The following REXO5 variants were observed in gnomAD, a reference collection of about 807,000 sequenced individuals.
REXO5 encodes exonuclease NEF-sp.
REXO5 carries 48 observed loss-of-function variants against 88.5 expected under a neutral mutation model. That is an observed-to-expected ratio of 0.54 (90% confidence interval 0.43 to 0.69). The LOEUF (loss-of-function observed/expected upper bound fraction) is 0.69. Among genes scored for constraint, REXO5 ranks in the 30% least tolerant of loss-of-function variants. The probability of loss-of-function intolerance (pLI) is 0.00; values close to 1 mark genes in which losing one functional copy is unlikely to be tolerated. For synonymous variants in REXO5, 311 were observed against 336.5 expected (o/e 0.92, Z 0.83); for missense variants, 749 against 912.2 (o/e 0.82, Z 2.30).
At chr16:20,815,090 G>A (rs1375366294) in intron 4 of REXO5, 37 bp downstream of exon 4, 1 of 1,589,382 alleles carries the variant, frequency 6.3e-7, no homozygotes, top group Non-Finnish European at 8.5e-7. Context: ...GGCTGAGTCT[G>A]TTTTCCCATT....
rs752050258 is a variant in REXO5 at position 20,846,193 on chromosome 16, G to A, written c.2125-28G>A. 24 of 1,557,564 alleles carry A rather than the reference G, an allele frequency of 1.5e-5. No individual in the cohort carries two copies. In the Admixed American group the frequency reaches 1.8e-4, roughly 12 times the overall value. The stretch of plus-strand genomic sequence containing the variant: ...AAGGTAACGAGAGAGTGTTCTGGCT[G>A]AGTATCGACACATGGCTTTGATCCC... On this transcript the variant is annotated intron_variant, in intron 18 of 19. Transcript: ENST00000261377.
chr16:20,821,419 T>A (rs969325713), intron 5 of REXO5, among the ~76,000 whole-genome samples: 2 of 152,192 alleles, frequency 1.3e-5, no homozygotes, highest in African/African-American at 4.8e-5. Flanking sequence ...CCCAAGTAGC[T>A]GGGACTACAG....
chr16:20,846,105 T>C (rs1331848486), intron 18 of REXO5, 116 bp from the exon 19 acceptor site: 3 of 820,544 alleles, frequency 3.7e-6, no homozygotes, highest in Admixed American at 3.8e-5. Context: ...AAGGGATTTG[T>C]CTGGAACCTT....
intron 7 of REXO5, 191 bp from the exon 8 acceptor site, chr16:20,825,642 T>G (rs2081249465): frequency 1.8e-6 from 1 of 569,232 alleles, no homozygotes; most frequent in Non-Finnish European, 3.1e-6. Context: ...GTGTTGATCC[T>G]CTTAAGTGTA....
intron 18 of REXO5, among the ~76,000 whole-genome samples, chr16:20,845,932 A>G (rs2081599455): frequency 6.6e-6 from 1 of 152,172 alleles, no homozygotes; most frequent in Non-Finnish European, 1.5e-5. Flanking sequence ...AAGCCAGACT[A>G]GACCCCTCAT....
chr16:20,820,395 G>A (rs576409655), intron 5 of REXO5, among the ~76,000 whole-genome samples: 4 of 150,684 alleles, frequency 2.7e-5, no homozygotes, highest in African/African-American at 9.8e-5. Context: ...GATGTATGTG[G>A]GTAGAAAGCC....
chr16:20,839,101 A>C (rs2032315422), intron 13 of REXO5, among the ~76,000 whole-genome samples: 1 of 152,166 alleles, frequency 6.6e-6, no homozygotes, highest in Non-Finnish European at 1.5e-5. Context: ...TTCCAGAATG[A>C]TGGTGTGGTG....
intron 5 of REXO5, among the ~76,000 whole-genome samples, chr16:20,818,021 T>A (rs1427810721): frequency 6.6e-6 from 1 of 152,210 alleles, no homozygotes; most frequent in Non-Finnish European, 1.5e-5. Flanking sequence ...AGTGTTGAAT[T>A]TTACAGTTTT....
At chr16:20,814,207 T>A (rs2081047152) in intron 3 of REXO5, among the ~76,000 whole-genome samples, 1 of 151,484 alleles carries the variant, frequency 6.6e-6, no homozygotes, top group African/African-American at 2.4e-5. Flanking sequence ...AGTTCAATAG[T>A]CTTATTTACA....
In REXO5 at chr16:20,845,094, T is replaced by TC; in HGVS notation, c.1978dup (p.Leu660ProfsTer29). ...GCAGTGCCCAGCAGGCCCTCAACAT[T>TC]CTCACAGGCAAGGACTGGAAGCTGA... On this transcript the variant is annotated frameshift_variant, in exon 18 of 20. Coordinates refer to ENST00000261377, the MANE Select transcript of REXO5 (RefSeq NM_030941.3). LOFTEE classifies it high-confidence loss of function. The TC allele has an allele frequency of 1.9e-6, 3 of 1,614,110 alleles. No individual in the cohort carries two copies. Among genetic ancestry groups the TC allele is most frequent in the Non-Finnish European group, 2.5e-6 (3 of 1,180,014 alleles).
intron 4 of REXO5, 92 bp from the exon 5 acceptor site, chr16:20,816,024 C>A: frequency 1.0e-6 from 1 of 963,546 alleles, no homozygotes; most frequent in Non-Finnish European, 1.6e-6. Context: ...CTAGAACTTT[C>A]AAAGCACTGA....
chr16:20,847,588 T>C (rs779295150), intron 19 of REXO5, among the ~76,000 whole-genome samples: 8 of 152,156 alleles, frequency 5.3e-5, no homozygotes, highest in Non-Finnish European at 8.8e-5. Flanking sequence ...GTCTACCTAC[T>C]GGGCACCTTT....
At chr16:20,817,708 C>G (rs2081102273) in intron 5 of REXO5, among the ~76,000 whole-genome samples, 1 of 152,186 alleles carries the variant, frequency 6.6e-6, no homozygotes, top group African/African-American at 2.4e-5. Context: ...TGCTAAATAT[C>G]AGAGTCCCCA....
At position 20,846,226 on chromosome 16, in the gene REXO5, G is replaced by T; in HGVS notation, c.2130G>T (p.Leu710=). 6.2e-7 allele frequency: 1 copy of T among 1,613,838 alleles called. No homozygotes were observed. The highest frequency in any genetic ancestry group is 8.5e-7 in the Non-Finnish European group (1 of 1,179,782). Residue 710 remains leucine, a synonymous_variant, in exon 19 of 20, where the codon CTG becomes CTT. Coordinates refer to ENST00000261377, the MANE Select transcript of REXO5 (RefSeq NM_030941.3). ...PPFEQEALQT[L]KLDHPKIAAW... is the part of the protein sequence containing the mutation. ...ACACATGGCTTTGATCCCAGACTCTGAAACTGGACCACCCGAAGATAGCAG... is the reference window on the plus strand; with the variant it reads ...ACACATGGCTTTGATCCCAGACTCTTAAACTGGACCACCCGAAGATAGCAG...
intron 4 of REXO5, among the ~76,000 whole-genome samples, chr16:20,815,606 C>A (rs774429822): frequency 2.0e-5 from 3 of 152,014 alleles, no homozygotes; most frequent in African/African-American, 4.8e-5. Context: ...CCACGGACCA[C>A]CTGCTACACG....
At chr16:20,846,885 A>G (rs2081615270) in intron 19 of REXO5, among the ~76,000 whole-genome samples, 1 of 152,218 alleles carries the variant, frequency 6.6e-6, no homozygotes, top group African/African-American at 2.4e-5. Flanking sequence ...TCCTTTTAGT[A>G]ACATGAGGGA....
chr16:20,835,660 A>T (rs527395041), intron 13 of REXO5, among the ~76,000 whole-genome samples: 3 of 149,850 alleles, frequency 2.0e-5, no homozygotes, highest in African/African-American at 7.4e-5. Context: ...CTTCCTGAGC[A>T]CTTACATGGG....
intron 2 of REXO5, among the ~76,000 whole-genome samples, chr16:20,807,746 AAAAACAAAAAAC>A (rs1371299924): frequency 6.6e-6 from 1 of 150,538 alleles, no homozygotes; most frequent in African/African-American, 2.5e-5. Context: ...CTTAAAAAAA[AAAAACAAAAAAC>A]AAAACAAAAA....
intron 15 of REXO5, 128 bp from the exon 16 acceptor site, chr16:20,843,806 G>A (rs2081565734): frequency 1.8e-6 from 1 of 551,334 alleles, no homozygotes. Context: ...CAATACTTGT[G>A]TAGCCCAGCA....
Sources: allele counts gnomAD v4.1 joint callset (sites outside exome capture counted in the v4.1 genomes callset), GRCh38; gene constraint gnomAD v4.1.1; transcripts MANE v1.5; gene names NCBI Gene and HGNC (gene_info 2026-07-23, HGNC 2026-07-21).